MYLK4: variants seen among roughly 807,000 people sequenced by gnomAD.
MYLK4 encodes the protein myosin light chain kinase family member 4.
MYLK4 carries 46 observed loss-of-function variants against 48.1 expected under a neutral mutation model. The observed-to-expected ratio is 0.96, with a 90% CI of 0.75 to 1.22. The LOEUF is 1.22. Ranked by LOEUF, MYLK4 falls within the 50% of genes most tolerant of loss-of-function variation. The pLI is 0.00. For synonymous variants in MYLK4, 170 were observed against 180.8 expected, an observed-to-expected ratio of 0.94 and a Z score of 0.48; for missense variants, 451 against 486.1, an observed-to-expected ratio of 0.93 and a Z score of 0.68.
Position 2,672,546 on chromosome 6 carries a change from A to C in MYLK4, c.1120-1198T>G, listed in dbSNP as rs1760939437. Among the ~76,000 whole-genome samples, 1 of 152,260 alleles carries C rather than the reference A, an allele frequency of 6.6e-6. No individual in the cohort carries two copies. Among genetic ancestry groups the C allele is most frequent in the African/African-American group, 2.4e-5 (1 of 41,472 alleles). ...AATATACGAAAGACTCAAAAATAGA[A>C]TTTAGATTGAAATGGTAAACAGTTT... is the stretch of plus-strand genomic sequence containing the variant. On this transcript the variant is annotated intron_variant, in intron 11 of 12. Coordinates refer to ENST00000274643, the MANE Select transcript of MYLK4 (RefSeq NM_001012418.5). This position sits in a 1 kb window ranked among gnomAD's most constrained non-coding sequence, Gnocchi z 4.3.
intron 2 of MYLK4, among the ~76,000 whole-genome samples, chr6:2,726,460 G>A (rs957266733): frequency 1.2e-4 from 18 of 152,222 alleles, no homozygotes; most frequent in African/African-American, 4.3e-4. Context: ...CAGTCACTGA[G>A]AAAATTACTC....
At position 2,673,281 on chromosome 6, in the gene MYLK4, G is replaced by A. The variant is rs1017105610; in HGVS notation, c.1119+1766C>T. ...CCCTAATAAGCAGTTTATGTAGTCT[G>A]GGTGAGGTACCCACTAGGTAATAAG... On this transcript the variant is annotated intron_variant, in intron 11 of 12. Transcript: ENST00000274643. This position sits in a 1 kb window ranked among gnomAD's most constrained non-coding sequence, Gnocchi z 4.2. Among the ~76,000 whole-genome samples, 2 of 152,198 alleles carry A rather than the reference G, an allele frequency of 1.3e-5. No homozygotes were observed. The highest frequency in any genetic ancestry group is 2.9e-5 in the Non-Finnish European group (2 of 68,036).
the MYLK4 span, among the ~76,000 whole-genome samples, chr6:2,769,530 A>G: frequency 7.9e-5 from 12 of 152,170 alleles, no homozygotes; most frequent in African/African-American, 2.9e-4. Context: ...TTTTAATCAT[A>G]CATAGAATAT....
At chr6:2,725,255 C>G (rs1763214994) in intron 2 of MYLK4, among the ~76,000 whole-genome samples, 1 of 152,126 alleles carries the variant, frequency 6.6e-6, no homozygotes, top group Admixed American at 6.6e-5. Flanking sequence ...GCCAGGATTT[C>G]AAGACCAACC....
the MYLK4 span, chr6:2,766,109 CAGGAGGAGG>C: frequency 1.5e-6 from 2 of 1,318,240 alleles, no homozygotes; most frequent in Non-Finnish European, 1.9e-6. Context: ...GGCGGAGGCG[CAGGAGGAGG>C]AGGAGGCCGT....
intron 6 of MYLK4, 148 bp from the exon 7 acceptor site, chr6:2,683,310 G>A: frequency 1.2e-6 from 1 of 838,954 alleles, no homozygotes; most frequent in Non-Finnish European, 1.8e-6. Flanking sequence ...ATCTTACTTA[G>A]ATGATTCTTA....
rs982542540 is a variant in MYLK4, at chr6:2,671,346, C to A, written c.1122G>T (p.Lys374Asn). Reference sequence around the variant, plus strand: ...GGGCATCAGAGCCACGATTCTTCTTCTTCTAGGGAAAGCAGAAGGCATATG... The same window carrying A: ...GGGCATCAGAGCCACGATTCTTCTTATTCTAGGGAAAGCAGAAGGCATATG... ...HKLHSRLNAQKKKNRGSDAQD... is the reference protein window; with the variant it reads ...HKLHSRLNAQNKKNRGSDAQD... Residue 374 changes from lysine (K) to asparagine (N), a missense_variant and splice_region_variant, in exon 12 of 13, where the codon AAG becomes AAT. Coordinates refer to ENST00000274643, the MANE Select transcript of MYLK4 (RefSeq NM_001012418.5). 1 of 1,613,900 alleles carries A rather than the reference C, an allele frequency of 6.2e-7. No homozygotes were observed. Among genetic ancestry groups the A allele is most frequent in the Non-Finnish European group, 8.5e-7 (1 of 1,179,952 alleles).
intron 3 of MYLK4, among the ~76,000 whole-genome samples, chr6:2,689,176 G>A (rs1761676929): frequency 6.6e-6 from 1 of 152,098 alleles, no homozygotes; most frequent in African/African-American, 2.4e-5. Flanking sequence ...GTGTCAGGGC[G>A]GCTCAATGGT....
Position 2,678,304 on chromosome 6 carries a change from C to G in MYLK4, c.956G>C (p.Arg319Thr). 6.2e-7 allele frequency: 1 copy of G among 1,614,116 alleles called. No homozygotes were observed. The highest frequency in any genetic ancestry group is 8.5e-7 in the Non-Finnish European group (1 of 1,180,022). The change falls in exon 10 of 13, where the codon AGG becomes ACG. Residue 319 changes from arginine to threonine, a missense_variant. Transcript: ENST00000274643. ...AETLNNILAC[R>T]WDLEDEEFQD... is the part of the protein sequence containing the mutation. ...AAATTCTTCATCCTCTAAGTCCCAC[C>G]TGCAGGCCAGGATGTTGTTCAGCGT...
At chr6:2,765,786 A>T in the MYLK4 span, 1 of 1,431,922 alleles carries the variant, frequency 7.0e-7, no homozygotes, top group Admixed American at 2.5e-5. Flanking sequence ...GCCGGGTCGC[A>T]CCGCGCCGGG....
chr6:2,680,952 A>C (rs1054664430), intron 7 of MYLK4, among the ~76,000 whole-genome samples: 6 of 152,182 alleles, frequency 3.9e-5, no homozygotes, highest in Non-Finnish European at 1.5e-5. Context: ...CTGACCTGAC[A>C]GTCTTGGGGT....
intron 2 of MYLK4, among the ~76,000 whole-genome samples, chr6:2,721,672 A>G (rs1032843753): frequency 6.6e-6 from 1 of 152,294 alleles, no homozygotes; most frequent in East Asian, 1.9e-4. Context: ...ACCAACCTAA[A>G]GTGGTTTTGC....
chr6:2,746,526 T>C (rs1240467932), intron 2 of MYLK4, among the ~76,000 whole-genome samples: 1 of 152,200 alleles, frequency 6.6e-6, no homozygotes, highest in African/African-American at 2.4e-5. Flanking sequence ...CTATATAAAA[T>C]TCTTCCCCTA....
chr6:2,676,585 G>C (rs1761090491), intron 10 of MYLK4, among the ~76,000 whole-genome samples: 1 of 152,182 alleles, frequency 6.6e-6, no homozygotes, highest in Non-Finnish European at 1.5e-5. Context: ...TTTATTCTAT[G>C]ATAGTGGTGT....
chr6:2,735,324 A>G (rs565271612), intron 2 of MYLK4, among the ~76,000 whole-genome samples: 1 of 152,194 alleles, frequency 6.6e-6, no homozygotes, highest in Non-Finnish European at 1.5e-5. Flanking sequence ...GGCCACTTTG[A>G]CTGCTTAAAA....
intron 2 of MYLK4, among the ~76,000 whole-genome samples, chr6:2,710,718 A>T (rs4441989): frequency 0.86 from 130,714 of 152,160 alleles, 56,223 homozygotes; most frequent in Admixed American, 0.89. Context: ...TCTCAGTGAC[A>T]GGCTTTCTGT....
chr6:2,697,597 G>A (rs929595412), intron 2 of MYLK4, among the ~76,000 whole-genome samples: 2 of 152,194 alleles, frequency 1.3e-5, no homozygotes, highest in African/African-American at 4.8e-5. Flanking sequence ...TGGCGGAATA[G>A]CTGAAAGGGA....
Position 2,675,035 on chromosome 6 carries a change from A to T in MYLK4, c.1119+12T>A. On this transcript the variant is annotated intron_variant, in intron 11 of 12. Coordinates refer to ENST00000274643, the MANE Select transcript of MYLK4 (RefSeq NM_001012418.5). ...CAGGAGAAAAAGAGGAAGAGCAAGA[A>T]GCCGTGGTCACCTGGGCATTGAGTC... 4 of 1,604,852 alleles carry T rather than the reference A, an allele frequency of 2.5e-6. No homozygotes were observed. The highest frequency in any genetic ancestry group is 2.6e-6 in the Non-Finnish European group (3 of 1,171,430).
At chr6:2,688,058 CT>C (rs534105075) in intron 4 of MYLK4, among the ~76,000 whole-genome samples, 6 of 127,554 alleles carry the variant, frequency 4.7e-5, no homozygotes, top group South Asian at 3.0e-4. Flanking sequence ...TTTTTCTTTT[CT>C]TTTTTTTTCT....
Sources: allele counts gnomAD v4.1 joint callset (sites outside exome capture counted in the v4.1 genomes callset), GRCh38; gene constraint gnomAD v4.1.1; non-coding constraint Gnocchi (gnomAD v3.1); transcripts MANE v1.5; gene names NCBI Gene and HGNC (gene_info 2026-07-23, HGNC 2026-07-21).